Variants in CACNG3 observed in about 807,000 individuals in gnomAD.
CACNG3 encodes the protein voltage-dependent calcium channel gamma-3 subunit.
In CACNG3, 3 loss-of-function variants were observed where a neutral mutation model predicts 28.5. That is an observed-to-expected ratio of 0.11 (90% CI 0.05 to 0.27). CACNG3 has a LOEUF of 0.27. Ranked by LOEUF, CACNG3 falls within the 10% of genes least tolerant of loss-of-function variation. CACNG3 has a pLI of 1.00. For missense variants in CACNG3, 236 were observed against 414.4 expected, an observed-to-expected ratio of 0.57 and a Z score of 3.74; for synonymous variants, 174 against 162.2, an observed-to-expected ratio of 1.07 and a Z score of -0.55.
chr16:24,303,903 A>T (rs1899147892), intron 1 of CACNG3, among the ~76,000 whole-genome samples: 1 of 152,112 alleles, frequency 6.6e-6, no homozygotes, highest in Non-Finnish European at 1.5e-5. Context: ...GCAAGACCCC[A>T]TCTCAAAAAT....
At chr16:24,280,676 C>G (rs1034511280) in intron 1 of CACNG3, among the ~76,000 whole-genome samples, 1 of 151,734 alleles carries the variant, frequency 6.6e-6, no homozygotes, top group Non-Finnish European at 1.5e-5. Flanking sequence ...ATTAGCTGGG[C>G]GTGGTGGTGC....
At chr16:24,287,270 C>A (rs1898906719) in intron 1 of CACNG3, among the ~76,000 whole-genome samples, 1 of 152,114 alleles carries the variant, frequency 6.6e-6, no homozygotes, top group Non-Finnish European at 1.5e-5. Flanking sequence ...GTGATCCAAG[C>A]ACTTTGGGAG....
chr16:24,312,230 A>T (rs978591501), intron 1 of CACNG3, among the ~76,000 whole-genome samples: 5 of 152,200 alleles, frequency 3.3e-5, no homozygotes, highest in African/African-American at 1.2e-4. Flanking sequence ...CTGCTATGCC[A>T]CAAGTCCCTC....
At chr16:24,301,277 G>A (rs1038355511) in intron 1 of CACNG3, among the ~76,000 whole-genome samples, 5 of 151,632 alleles carry the variant, frequency 3.3e-5, no homozygotes, top group Admixed American at 3.3e-4. Context: ...ATTAAAAAGG[G>A]GTCCCACATA....
At chr16:24,319,678 T>C (rs541581203) in intron 1 of CACNG3, among the ~76,000 whole-genome samples, 128 of 152,240 alleles carry the variant, frequency 8.4e-4, no homozygotes, top group South Asian at 1.9e-3. Flanking sequence ...GGTCTTGTAC[T>C]CTTGGCCTCA....
Position 24,361,674 on chromosome 16 carries a change from C to T in CACNG3, c.759C>T (p.Gly253=), listed in dbSNP as rs369770246. 19 of 1,613,974 alleles carry T rather than the reference C, an allele frequency of 1.2e-5. No individual in the cohort carries two copies. The highest frequency in any genetic ancestry group is 1.3e-5 in the Non-Finnish European group (15 of 1,180,002). ...GAGACCTGTCCCCCATCAGCAAAGG[C>T]TTCCACACCATCCCTTCCACTGACA... ...RSRDLSPISK[G]FHTIPSTDIS... The change falls in exon 4 of 4, where the codon GGC becomes GGT. Residue 253 remains glycine, a synonymous_variant. Coordinates refer to ENST00000005284, the MANE Select transcript of CACNG3 (RefSeq NM_006539.4). The surrounding 1 kb of genome is among the most constrained non-coding windows in gnomAD (Gnocchi z 6.8).
In CACNG3 at chr16:24,362,200, A is replaced by C; in HGVS notation, c.*337A>C. 4.8e-6 allele frequency: 1 copy of C among 207,240 alleles called. No homozygotes were observed. The highest frequency in any genetic ancestry group is 9.7e-6 in the Non-Finnish European group (1 of 103,492). 12.8% of individuals were successfully genotyped at this position (207,240 alleles called of 1,614,324 possible). A position where few individuals can be genotyped will look rare whatever the true frequency, so the allele number is the denominator to read the frequency against. On this transcript the variant is annotated 3_prime_UTR_variant, in exon 4 of 4. Coordinates refer to ENST00000005284, the MANE Select transcript of CACNG3 (RefSeq NM_006539.4). ...AAGTCACAGGTGGTGGCCAGGGGGGATTTCCGAATCTCCATCAGGCGCGCT... is the reference window on the plus strand; with the variant it reads ...AAGTCACAGGTGGTGGCCAGGGGGGCTTTCCGAATCTCCATCAGGCGCGCT...
intron 1 of CACNG3, among the ~76,000 whole-genome samples, chr16:24,325,403 CT>C (rs3837782): frequency 1.3e-5 from 2 of 152,304 alleles, no homozygotes; most frequent in East Asian, 3.9e-4. Flanking sequence ...CACCACCAAC[CT>C]TTAGCCCACT....
At chr16:24,290,177 ATTTG>A (rs1423826966) in intron 1 of CACNG3, among the ~76,000 whole-genome samples, 3 of 152,196 alleles carry the variant, frequency 2.0e-5, no homozygotes, top group Non-Finnish European at 4.4e-5. Flanking sequence ...TCTTTTATTT[ATTTG>A]TTTTTTTATT....
intron 1 of CACNG3, among the ~76,000 whole-genome samples, chr16:24,337,650 TTAATAA>T (rs548094524): frequency 4.7e-5 from 7 of 150,258 alleles, no homozygotes; most frequent in African/African-American, 9.7e-5. Context: ...GATCCCATTG[TTAATAA>T]TAATAATAAT....
At chr16:24,305,837 G>C (rs1052930564) in intron 1 of CACNG3, among the ~76,000 whole-genome samples, 3 of 152,034 alleles carry the variant, frequency 2.0e-5, no homozygotes, top group Admixed American at 6.6e-5. Flanking sequence ...TAAAAAGAAG[G>C]AAAAAAATTA....
chr16:24,312,282 C>T (rs188067736), intron 1 of CACNG3, among the ~76,000 whole-genome samples: 95 of 152,310 alleles, frequency 6.2e-4, no homozygotes, highest in African/African-American at 2.2e-3. Context: ...CTGCTCCTGT[C>T]CCATCTATCC....
chr16:24,316,646 C>A (rs928252628), intron 1 of CACNG3, among the ~76,000 whole-genome samples: 2 of 152,188 alleles, frequency 1.3e-5, no homozygotes, highest in African/African-American at 4.8e-5. Context: ...AGTTGAGACA[C>A]CCCCAGACTC....
intron 1 of CACNG3, among the ~76,000 whole-genome samples, chr16:24,263,685 T>G (rs1596619610): frequency 6.6e-6 from 1 of 152,344 alleles, no homozygotes; most frequent in East Asian, 1.9e-4. Flanking sequence ...TGAGTGCTAA[T>G]TTACTTACCT....
intron 1 of CACNG3, among the ~76,000 whole-genome samples, chr16:24,295,848 A>G (rs1018515889): frequency 1.3e-5 from 2 of 152,126 alleles, no homozygotes; most frequent in African/African-American, 4.8e-5. Flanking sequence ...ACGCTGTCTC[A>G]AAACAAACAA....
intron 1 of CACNG3, among the ~76,000 whole-genome samples, chr16:24,300,465 T>C (rs891792721): frequency 1.5e-4 from 23 of 152,184 alleles, no homozygotes; most frequent in African/African-American, 5.3e-4. Flanking sequence ...GAAATCTACA[T>C]TTTTGTGTAA....
intron 1 of CACNG3, among the ~76,000 whole-genome samples, chr16:24,260,215 G>A (rs897342569): frequency 1.3e-5 from 2 of 152,018 alleles, no homozygotes; most frequent in Admixed American, 6.6e-5. Flanking sequence ...TACCTAAATG[G>A]CATTTTTAAT....
chr16:24,293,246 C>A (rs939058724), intron 1 of CACNG3, among the ~76,000 whole-genome samples: 1 of 152,216 alleles, frequency 6.6e-6, no homozygotes, highest in South Asian at 2.1e-4. Flanking sequence ...TCTCTGCACC[C>A]TGAAATAAAT....
chr16:24,360,791 A>C (rs899770734), intron 3 of CACNG3, among the ~76,000 whole-genome samples: 1 of 152,182 alleles, frequency 6.6e-6, no homozygotes, highest in Non-Finnish European at 1.5e-5. Context: ...CATCGTCAAC[A>C]GTCTTTCATC....
Sources: allele counts gnomAD v4.1 joint callset (sites outside exome capture counted in the v4.1 genomes callset), GRCh38; gene constraint gnomAD v4.1.1; non-coding constraint Gnocchi (gnomAD v3.1); transcripts MANE v1.5; gene names NCBI Gene and HGNC (gene_info 2026-07-23, HGNC 2026-07-21).